The following ELL variants were observed in gnomAD, a reference collection of about 807,000 sequenced individuals.
The protein encoded by ELL is elongation factor for RNA polymerase II, also known as RNA polymerase II elongation factor ELL.
ELL carries 18 observed loss-of-function variants against 64.0 expected under a neutral mutation model. That is an observed-to-expected ratio of 0.28 (90% confidence interval 0.19 to 0.42). The LOEUF is 0.42. ELL is among the 10% of genes least tolerant of loss of function. The pLI is 1.00. For missense variants in ELL, 797 were observed against 870.4 expected (o/e 0.92, Z 1.06); for synonymous variants, 399 against 376.2 (o/e 1.06, Z -0.70).
intron 1 of ELL, among the ~76,000 whole-genome samples, chr19:18,499,688 A>T (rs866860064): frequency 2.0e-5 from 3 of 152,260 alleles, no homozygotes; most frequent in South Asian, 2.1e-4. Context: ...CAGTCAGGGC[A>T]TGAGTAGCCA....
At chr19:18,487,943 A>C (rs1319213537) in intron 1 of ELL, among the ~76,000 whole-genome samples, 1 of 151,974 alleles carries the variant, frequency 6.6e-6, no homozygotes, top group Non-Finnish European at 1.5e-5. Flanking sequence ...CAGCCACCAG[A>C]CTCCAACCTA....
At chr19:18,480,092 C>A (rs533036637) in intron 1 of ELL, among the ~76,000 whole-genome samples, 1 of 152,348 alleles carries the variant, frequency 6.6e-6, no homozygotes, top group Admixed American at 6.5e-5. Context: ...CTCCCAAGCA[C>A]CAGTGTCAGC....
At chr19:18,471,780 T>C (rs1975070243) in intron 2 of ELL, among the ~76,000 whole-genome samples, 1 of 152,226 alleles carries the variant, frequency 6.6e-6, no homozygotes, top group Non-Finnish European at 1.5e-5. Flanking sequence ...TCTCATTCCC[T>C]GATTTTTCTA....
chr19:18,453,093 G>A (rs1001439613), intron 6 of ELL, among the ~76,000 whole-genome samples: 1 of 152,332 alleles, frequency 6.6e-6, no homozygotes, highest in South Asian at 2.1e-4. Flanking sequence ...CCAACATGGT[G>A]AAACCCCGTC....
At chr19:18,457,046 C>T (rs1167420827) in intron 6 of ELL, among the ~76,000 whole-genome samples, 2 of 152,148 alleles carry the variant, frequency 1.3e-5, no homozygotes, top group Non-Finnish European at 2.9e-5. Flanking sequence ...ACCCTGCCCC[C>T]TGCACGCTAG....
At chr19:18,473,666 T>A (rs1975112073) in intron 1 of ELL, among the ~76,000 whole-genome samples, 1 of 152,210 alleles carries the variant, frequency 6.6e-6, no homozygotes, top group South Asian at 2.1e-4. Context: ...GAGAAAGAAC[T>A]GCGAGCCAGA....
In ELL at chr19:18,461,613, C is replaced by T; in HGVS notation, c.709G>A (p.Ala237Thr). Residue 237 changes from alanine (A) to threonine (T), a missense_variant, in exon 5 of 12, where the codon GCG becomes ACG. Physicochemically the swap from Ala to Thr is moderately conservative, Grantham distance 58. Transcript: ENST00000262809. ...LRLQKDGLTQ[A>T]DKDALDGLLQ... is the part of the protein sequence containing the mutation. ...AGGCCATCCAGCGCGTCCTTGTCCG[C>T]CTGCGTCAGGCCGTCCTTCTGCAGT... is the stretch of plus-strand genomic sequence containing the variant. 2.5e-6 allele frequency: 4 copies of T among 1,607,682 alleles called. No individual in the cohort carries two copies. The South Asian group carries it at 4.4e-5, about 18-fold the overall frequency.
chr19:18,482,794 T>TTGC (rs1555735612), intron 1 of ELL, among the ~76,000 whole-genome samples: 3 of 150,066 alleles, frequency 2.0e-5, no homozygotes, highest in Admixed American at 2.0e-4. Context: ...GTTGTTGTTG[T>TTGC]TGCTGCTGTT....
At chr19:18,459,582 C>T (rs991398176) in intron 5 of ELL, among the ~76,000 whole-genome samples, 3 of 149,804 alleles carry the variant, frequency 2.0e-5, no homozygotes, top group South Asian at 2.1e-4. Context: ...TGCAATGGCG[C>T]TATCTTGGCT....
intron 1 of ELL, among the ~76,000 whole-genome samples, chr19:18,518,080 C>A (rs1339719073): frequency 6.6e-6 from 1 of 151,834 alleles, no homozygotes; most frequent in Non-Finnish European, 1.5e-5. Context: ...ATTTGTAGGG[C>A]ATGGTGGTGC....
In ELL at chr19:18,443,396, C is replaced by T. The variant is rs1219133568; in HGVS notation, c.*1356G>A. ...CCACCCCCCAGTTTAGAAAAATAGA[C>T]ATCTGTATTTTTGCATTTCTGTTCT... On this transcript the variant is annotated 3_prime_UTR_variant, in exon 12 of 12. Transcript: ENST00000262809. 4.3e-6 allele frequency: 1 copy of T among 232,228 alleles called. No homozygotes were observed. The highest frequency in any genetic ancestry group is 2.2e-5 in the African/African-American group (1 of 44,870). 14.4% of individuals were successfully genotyped at this position (232,228 alleles called of 1,614,324 possible).
intron 6 of ELL, among the ~76,000 whole-genome samples, chr19:18,453,046 C>T (rs929791433): frequency 2.6e-5 from 4 of 152,228 alleles, no homozygotes; most frequent in South Asian, 4.1e-4. Context: ...CCAAGGCAGG[C>T]GGATCACCTA....
intron 1 of ELL, among the ~76,000 whole-genome samples, chr19:18,508,788 G>A (rs917685456): frequency 6.6e-6 from 1 of 152,244 alleles, no homozygotes; most frequent in Admixed American, 6.5e-5. Flanking sequence ...GTAAGCAAGT[G>A]GGCAGCTGTG....
At chr19:18,488,847 C>G (rs980351179) in intron 1 of ELL, among the ~76,000 whole-genome samples, 6 of 152,186 alleles carry the variant, frequency 3.9e-5, no homozygotes, top group Admixed American at 2.6e-4. Flanking sequence ...AATGACGAGG[C>G]AATGGCACCC....
intron 1 of ELL, among the ~76,000 whole-genome samples, chr19:18,498,974 A>G (rs1344284192): frequency 1.3e-5 from 2 of 151,128 alleles, no homozygotes; most frequent in African/African-American, 4.9e-5. Context: ...AACAACAAAA[A>G]CCCACACAAA....
rs752036410 is a variant in ELL at position 18,450,868 on chromosome 19, C to T, written c.1074G>A (p.Val358=). ...AQPAVNGKLG[V]PNGREALLPT... is the part of the protein sequence containing the mutation. ...GCAGCAAGGCCTCACGGCCATTGGGCACGCCCAGCTTCCCGTTGACGGCAG... is the reference window on the plus strand; with the variant it reads ...GCAGCAAGGCCTCACGGCCATTGGGTACGCCCAGCTTCCCGTTGACGGCAG... The change falls in exon 8 of 12, where the codon GTG becomes GTA. Residue 358 remains valine (V), a synonymous_variant. Coordinates refer to ENST00000262809, the MANE Select transcript of ELL (RefSeq NM_006532.4). 3.8e-6 allele frequency: 6 copies of T among 1,585,106 alleles called. No homozygotes were observed. Among genetic ancestry groups the T allele is most frequent in the Non-Finnish European group, 5.2e-6 (6 of 1,164,218 alleles).
At chr19:18,482,794 T>TGC (rs1975331970) in intron 1 of ELL, among the ~76,000 whole-genome samples, 3 of 150,066 alleles carry the variant, frequency 2.0e-5, no homozygotes, top group South Asian at 4.2e-4. Flanking sequence ...GTTGTTGTTG[T>TGC]TGCTGCTGTT....
intron 1 of ELL, among the ~76,000 whole-genome samples, chr19:18,513,478 C>G (rs1443824704): frequency 6.6e-6 from 1 of 152,170 alleles, no homozygotes. Context: ...CAACACGGTA[C>G]ACCCAGGCGA....
At chr19:18,490,762 C>T (rs1018469982) in intron 1 of ELL, among the ~76,000 whole-genome samples, 35 of 152,230 alleles carry the variant, frequency 2.3e-4, no homozygotes, top group Non-Finnish European at 4.3e-4. Flanking sequence ...CCCTCCTCCC[C>T]TCAAATCTCC....
Sources: gnomAD v4.1 joint callset for allele counts (sites outside exome capture counted in the v4.1 genomes callset) on GRCh38, gnomAD v4.1.1 for gene constraint, MANE v1.5 for transcripts, NCBI Gene and HGNC (gene_info 2026-07-23, HGNC 2026-07-21) for gene names.